Variants in SPRED1 observed in about 807,000 individuals in gnomAD.
The protein encoded by SPRED1 is sprouty-related, EVH1 domain-containing protein 1.
A neutral mutation model predicts 52.3 loss-of-function variants in SPRED1; 18 were observed. The ratio of observed to expected loss-of-function variants is 0.34; its 90% confidence interval spans 0.24 to 0.51. The LOEUF is 0.51. Ranked by LOEUF, SPRED1 falls within the 20% of genes least tolerant of loss-of-function variation. The pLI is 0.97. For synonymous variants in SPRED1, 155 were observed against 179.7 expected, an observed-to-expected ratio of 0.86 and a Z score of 1.10; for missense variants, 485 against 551.0, an observed-to-expected ratio of 0.88 and a Z score of 1.20.
intron 2 of SPRED1, among the ~76,000 whole-genome samples, chr15:38,321,473 A>G (rs1379182648): frequency 6.6e-6 from 1 of 152,168 alleles, no homozygotes; most frequent in Non-Finnish European, 1.5e-5. Flanking sequence ...AAGTTAGGTA[A>G]CTCACTTAAA....
At chr15:38,289,505 G>A (rs1447857126) in intron 1 of SPRED1, among the ~76,000 whole-genome samples, 2 of 151,880 alleles carry the variant, frequency 1.3e-5, no homozygotes, top group Admixed American at 1.3e-4. Context: ...GAACCTGTGA[G>A]TATGTTAGGA....
chr15:38,293,390 A>C (rs901085252), intron 1 of SPRED1, among the ~76,000 whole-genome samples: 1 of 151,856 alleles, frequency 6.6e-6, no homozygotes, highest in African/African-American at 2.4e-5. Context: ...GAGCCACCAC[A>C]CCCGGCTCCA....
intron 5 of SPRED1, among the ~76,000 whole-genome samples, chr15:38,344,156 TACAAAATGTTTTCCC>T (rs1341315576): frequency 6.6e-6 from 1 of 152,134 alleles, no homozygotes; most frequent in African/African-American, 2.4e-5. Flanking sequence ...CAGTTTTAAG[TACAAAATGTTTTCCC>T]ACATATTGAG....
intron 1 of SPRED1, among the ~76,000 whole-genome samples, chr15:38,278,993 A>G (rs1894627420): frequency 6.6e-6 from 1 of 151,874 alleles, no homozygotes; most frequent in Admixed American, 6.6e-5. Flanking sequence ...ATGCCTGGCT[A>G]ATTTTTGTAT....
At chr15:38,291,937 G>A (rs1268970089) in intron 1 of SPRED1, among the ~76,000 whole-genome samples, 1 of 152,202 alleles carries the variant, frequency 6.6e-6, no homozygotes, top group Non-Finnish European at 1.5e-5. Flanking sequence ...TCTGCAGCTG[G>A]CTGGAATTTC....
At chr15:38,347,612 T>G (rs1427271109) in intron 5 of SPRED1, among the ~76,000 whole-genome samples, 1 of 152,010 alleles carries the variant, frequency 6.6e-6, no homozygotes, top group African/African-American at 2.4e-5. Context: ...ATTTATCATC[T>G]TATTCGTGAA....
intron 1 of SPRED1, among the ~76,000 whole-genome samples, chr15:38,253,974 T>G (rs1291767661): frequency 6.6e-6 from 1 of 152,210 alleles, no homozygotes; most frequent in East Asian, 1.9e-4. Flanking sequence ...TCATTAACTT[T>G]TAGAGCATTC....
At chr15:38,307,802 G>A (rs1417215704) in intron 2 of SPRED1, among the ~76,000 whole-genome samples, 1 of 151,986 alleles carries the variant, frequency 6.6e-6, no homozygotes, top group Non-Finnish European at 1.5e-5. Context: ...GTGGGGAGGG[G>A]TATATTTTTG....
intron 1 of SPRED1, among the ~76,000 whole-genome samples, chr15:38,289,711 A>G (rs1894882487): frequency 6.6e-6 from 1 of 152,180 alleles, no homozygotes; most frequent in South Asian, 2.1e-4. Flanking sequence ...GGGTAGAAGG[A>G]GGGAGCCATG....
Position 38,352,256 on chromosome 15 carries a change from A to G in SPRED1, c.*592A>G, listed in dbSNP as rs754213247. The G allele has an allele frequency of 6.6e-6, 1 of 152,522 alleles. No homozygotes were observed. Among genetic ancestry groups the G allele is most frequent in the Non-Finnish European group, 1.5e-5 (1 of 68,170 alleles). 9.4% of individuals were successfully genotyped at this position (152,522 alleles called of 1,614,324 possible). On this transcript the variant is annotated 3_prime_UTR_variant, in exon 7 of 7. Transcript: ENST00000299084. Reference sequence around the variant, plus strand: ...TTCTGAAGTAGATATATATATATATATATCTACTGTCACATTCCATATATT... The same window carrying G: ...TTCTGAAGTAGATATATATATATATGTATCTACTGTCACATTCCATATATT...
intron 1 of SPRED1, among the ~76,000 whole-genome samples, chr15:38,254,788 G>A (rs936754443): frequency 6.6e-6 from 1 of 152,328 alleles, no homozygotes; most frequent in African/African-American, 2.4e-5. Flanking sequence ...TCAGAGTGCA[G>A]TACAGTCTCT....
At chr15:38,284,478 G>T (rs749846919) in intron 1 of SPRED1, among the ~76,000 whole-genome samples, 1 of 151,876 alleles carries the variant, frequency 6.6e-6, no homozygotes, top group Non-Finnish European at 1.5e-5. Context: ...TTTTTTCCTA[G>T]TTTGTCATTT....
intron 1 of SPRED1, among the ~76,000 whole-genome samples, chr15:38,270,714 A>G (rs887798095): frequency 3.3e-5 from 5 of 152,218 alleles, no homozygotes; most frequent in African/African-American, 1.2e-4. Flanking sequence ...CTGAGATTTC[A>G]GTGGGGACAC....
chr15:38,263,741 C>G (rs1894249294), intron 1 of SPRED1, among the ~76,000 whole-genome samples: 1 of 152,082 alleles, frequency 6.6e-6, no homozygotes, highest in African/African-American at 2.4e-5. Flanking sequence ...TTTGGCTTCC[C>G]TGGTCTACTT....
chr15:38,321,310 T>C (rs1321206851), intron 2 of SPRED1, among the ~76,000 whole-genome samples: 1 of 152,148 alleles, frequency 6.6e-6, no homozygotes, highest in Non-Finnish European at 1.5e-5. Context: ...TTGAAATACT[T>C]TCAAAATAAA....
chr15:38,259,929 G>A (rs1032900398), intron 1 of SPRED1, among the ~76,000 whole-genome samples: 1 of 152,112 alleles, frequency 6.6e-6, no homozygotes, highest in Non-Finnish European at 1.5e-5. Flanking sequence ...TGGATTTCAC[G>A]CTAAGGTATT....
intron 1 of SPRED1, among the ~76,000 whole-genome samples, chr15:38,281,311 G>A (rs1298445722): frequency 3.3e-5 from 5 of 152,172 alleles, no homozygotes; most frequent in Admixed American, 1.3e-4. Context: ...GATCATCCAT[G>A]CATCTTTGCA....
chr15:38,278,650 C>T (rs1199356132), intron 1 of SPRED1, among the ~76,000 whole-genome samples: 1 of 151,756 alleles, frequency 6.6e-6, no homozygotes, highest in African/African-American at 2.4e-5. Context: ...ATAGTATTTG[C>T]GTATAATCTA....
chr15:38,298,686 A>G (rs1044138541), intron 1 of SPRED1: 2 of 223,878 alleles, frequency 8.9e-6, no homozygotes, highest in Non-Finnish European at 1.8e-5. Context: ...TTTGATTATC[A>G]TGTTGATTAT....
Sources: gnomAD v4.1 joint callset for allele counts (sites outside exome capture counted in the v4.1 genomes callset) on GRCh38, gnomAD v4.1.1 for gene constraint, MANE v1.5 for transcripts, NCBI Gene and HGNC (gene_info 2026-07-23, HGNC 2026-07-21) for gene names.